The following FRMD5 variants were observed in gnomAD, a reference collection of about 807,000 sequenced individuals.
FRMD5 encodes FERM domain-containing protein 5.
FRMD5 carries 20 observed loss-of-function variants against 69.0 expected under a neutral mutation model. The ratio of observed to expected loss-of-function variants is 0.29; its 90% CI spans 0.20 to 0.42. The LOEUF (loss-of-function observed/expected upper bound fraction) is 0.42, where lower values mean the gene tolerates loss of function less well. Ranked by LOEUF, FRMD5 falls within the 10% of genes least tolerant of loss-of-function variation. FRMD5 has a pLI of 1.00. For synonymous variants in FRMD5, 271 were observed against 260.1 expected (o/e 1.04, Z -0.40); for missense variants, 595 against 708.6 (o/e 0.84, Z 1.82).
intron 1 of FRMD5, among the ~76,000 whole-genome samples, chr15:44,005,428 G>A (rs1439891996): frequency 2.4e-5 from 3 of 126,826 alleles, no homozygotes; most frequent in African/African-American, 9.1e-5. Context: ...CCGAGATCAC[G>A]CCATTGCACT....
intron 5 of FRMD5, among the ~76,000 whole-genome samples, chr15:43,909,628 G>C (rs907255703): frequency 2.6e-5 from 4 of 151,964 alleles, no homozygotes; most frequent in Admixed American, 2.6e-4. Context: ...CTACAGGTGT[G>C]TGCCACCACA....
intron 1 of FRMD5, among the ~76,000 whole-genome samples, chr15:44,183,861 A>G (rs1248653509): frequency 6.6e-6 from 1 of 151,984 alleles, no homozygotes; most frequent in Admixed American, 6.6e-5. Flanking sequence ...TTGAGCCTAC[A>G]GTCCGAGCTA....
intron 4 of FRMD5, among the ~76,000 whole-genome samples, chr15:43,916,869 C>T (rs1377275762): frequency 1.3e-5 from 2 of 151,504 alleles, no homozygotes; most frequent in African/African-American, 2.4e-5. Flanking sequence ...ACCTCTGCCT[C>T]CTGGGTTCAA....
At chr15:44,093,078 C>T (rs1447493190) in intron 1 of FRMD5, among the ~76,000 whole-genome samples, 13 of 151,784 alleles carry the variant, frequency 8.6e-5, no homozygotes, top group African/African-American at 2.4e-4. Context: ...ACTATAGGCG[C>T]GCACCACCAC....
chr15:44,126,054 G>A, intron 1 of FRMD5, among the ~76,000 whole-genome samples: 1 of 152,192 alleles, frequency 6.6e-6, no homozygotes, highest in East Asian at 1.9e-4. Context: ...ACCAATATAA[G>A]TGAAGTCAGC....
intron 5 of FRMD5, among the ~76,000 whole-genome samples, chr15:43,907,111 G>T (rs563940): frequency 0.26 from 39,399 of 152,030 alleles, 9,956 homozygotes; most frequent in African/African-American, 0.66. Flanking sequence ...ATGGTGGGTA[G>T]GACAAAAGAA....
chr15:44,163,647 A>G (rs1192270772), intron 1 of FRMD5, among the ~76,000 whole-genome samples: 1 of 152,228 alleles, frequency 6.6e-6, no homozygotes, highest in African/African-American at 2.4e-5. Context: ...ATATTCTACC[A>G]TTTGATAATC....
intron 1 of FRMD5, among the ~76,000 whole-genome samples, chr15:44,026,428 A>G (rs955186540): frequency 2.6e-5 from 4 of 152,218 alleles, no homozygotes; most frequent in African/African-American, 9.6e-5. Context: ...CTATTACTGT[A>G]TTTCTCATGT....
chr15:44,047,399 A>C (rs1432364447), intron 1 of FRMD5, among the ~76,000 whole-genome samples: 1 of 152,158 alleles, frequency 6.6e-6, no homozygotes, highest in East Asian at 1.9e-4. Context: ...TAGGCCAGAC[A>C]CGGGTGCCCT....
chr15:43,919,480 G>C lies in FRMD5; in HGVS notation c.308C>G (p.Ala103Gly), dbSNP rs1474625012. The change falls in exon 4 of 14, where the codon GCT becomes GGT. Residue 103 changes from alanine (A) to glycine (G), a missense_variant. Ala to Gly is a moderately conservative substitution (Grantham distance 60, BLOSUM62 0). This residue lies in a region of FRMD5 where 79 missense variants were observed against 139.9 expected (regional missense o/e 0.56). Transcript: ENST00000417257. ...TCACCTGGTTATTTCTTCTTTCAGA[G>C]CAGCAGGGTCTGCAGGATAAAACTT... ...RVKFYPADPA[A>G]LKEEITRYLV... is the part of the protein sequence containing the mutation. The C allele has an allele frequency of 6.2e-7, 1 of 1,613,926 alleles. No individual in the cohort carries two copies. Among genetic ancestry groups the C allele is most frequent in the Admixed American group, 1.7e-5 (1 of 59,978 alleles).
At chr15:44,042,633 T>C (rs1892250378) in intron 1 of FRMD5, among the ~76,000 whole-genome samples, 1 of 152,130 alleles carries the variant, frequency 6.6e-6, no homozygotes, top group Admixed American at 6.5e-5. Context: ...CATACGCAAA[T>C]CAATAAACGT....
Position 43,874,167 on chromosome 15 carries a change from T to C in FRMD5, c.1431A>G (p.Gly477=). The change falls in exon 14 of 14, where the codon GGA becomes GGG. Residue 477 remains glycine (G), a synonymous_variant. Transcript: ENST00000417257. The part of the protein sequence containing the change: ...PTATEVEALG[G]ELRALCQGHS... The stretch of plus-strand genomic sequence containing the variant: ...GCCCCTGACACAGGGCCCTCAGCTC[T>C]CCCCCAAGGGCCTCCACCTCTGTAG... 1 of 1,614,094 alleles carries C rather than the reference T, an allele frequency of 6.2e-7. No homozygotes were observed. The highest frequency in any genetic ancestry group is 8.5e-7 in the Non-Finnish European group (1 of 1,180,004).
chr15:43,930,270 T>C (rs1180714306), intron 1 of FRMD5, among the ~76,000 whole-genome samples: 1 of 152,220 alleles, frequency 6.6e-6, no homozygotes, highest in Non-Finnish European at 1.5e-5. Context: ...CAGCTCACTC[T>C]GGGAGAAGAT....
chr15:44,158,709 C>A (rs2077564972), intron 1 of FRMD5, among the ~76,000 whole-genome samples: 1 of 152,164 alleles, frequency 6.6e-6, no homozygotes, highest in African/African-American at 2.4e-5. Context: ...TACGAAATTT[C>A]TTTTAGACCT....
At chr15:44,105,082 TTTTC>T (rs1005376982) in intron 1 of FRMD5, among the ~76,000 whole-genome samples, 9 of 77,062 alleles carry the variant, frequency 1.2e-4, no homozygotes, top group African/African-American at 3.1e-4. Flanking sequence ...ACTCAAATTC[TTTTC>T]TTTTTTTTTT....
At chr15:43,943,200 C>T (rs539468333) in intron 1 of FRMD5, among the ~76,000 whole-genome samples, 2 of 152,242 alleles carry the variant, frequency 1.3e-5, no homozygotes, top group South Asian at 4.1e-4. Flanking sequence ...CGAGATTGTG[C>T]CATTGCACTC....
At chr15:44,016,599 T>C (rs1890968262) in intron 1 of FRMD5, among the ~76,000 whole-genome samples, 2 of 152,032 alleles carry the variant, frequency 1.3e-5, no homozygotes, top group Non-Finnish European at 2.9e-5. Flanking sequence ...GGCATGCACA[T>C]GTAGTCCCAG....
At chr15:43,918,302 T>C (rs999234731) in intron 4 of FRMD5, among the ~76,000 whole-genome samples, 1 of 152,132 alleles carries the variant, frequency 6.6e-6, no homozygotes, top group Non-Finnish European at 1.5e-5. Flanking sequence ...CAGGCGCCCG[T>C]AATCCCAGTT....
chr15:44,012,486 A>C (rs1187646843), intron 1 of FRMD5, among the ~76,000 whole-genome samples: 2 of 152,214 alleles, frequency 1.3e-5, no homozygotes, highest in African/African-American at 4.8e-5. Context: ...AAATTAAATA[A>C]GGGTAACTGT....
Sources: allele counts gnomAD v4.1 joint callset (sites outside exome capture counted in the v4.1 genomes callset), GRCh38; gene constraint gnomAD v4.1.1; regional missense constraint gnomAD v4.1.1; transcripts MANE v1.5; gene names NCBI Gene and HGNC (gene_info 2026-07-23, HGNC 2026-07-21).